Variants in SFMBT2 observed in about 807,000 individuals in gnomAD.
SFMBT2 encodes the protein scm-like with four MBT domains protein 2.
A neutral mutation model predicts 110.1 loss-of-function variants in SFMBT2; 38 were observed. That is an observed-to-expected ratio of 0.35 (90% CI 0.27 to 0.45). The LOEUF (loss-of-function observed/expected upper bound fraction) is 0.45, where lower values mean the gene tolerates loss of function less well. SFMBT2 is among the 20% of genes least tolerant of loss of function. The probability of loss-of-function intolerance (pLI) is 1.00; values close to 1 mark genes in which losing one functional copy is unlikely to be tolerated. For synonymous variants in SFMBT2, 425 were observed against 425.4 expected (o/e 1.00, Z 0.01); for missense variants, 1,011 against 1,094.9 (o/e 0.92, Z 1.08).
intron 12 of SFMBT2, 22 bp from the exon 13 acceptor site, chr10:7,202,544 A>T: frequency 6.2e-7 from 1 of 1,614,196 alleles, no homozygotes; most frequent in Non-Finnish European, 8.5e-7. Flanking sequence ...GCAAAACGGA[A>T]AAAGAAAATC....
intron 4 of SFMBT2, chr10:7,348,390 T>G (rs1262155872): frequency 4.3e-6 from 6 of 1,406,270 alleles, no homozygotes; most frequent in Non-Finnish European, 5.6e-6. Context: ...CTATAATCCA[T>G]GATGGGCTTT....
rs1427779107 is a variant in SFMBT2, at chr10:7,171,904, C to G, written c.2406G>C (p.Glu802Asp). Residue 802 changes from glutamate to aspartate, a missense_variant, in exon 19 of 21, where the codon GAG (glutamate) becomes GAC (aspartate). Transcript: ENST00000397167. This position sits in a 1 kb window ranked among gnomAD's most constrained non-coding sequence, Gnocchi z 4.9. ...EGEKCPPTKP[E>D]GTEDTKQEEE... Reference sequence around the variant, plus strand: ...CACGCCCGGGCATCACCTCTGTCCCCTCGGGCTTGGTCGGCGGGCACTTCT... The same window carrying G: ...CACGCCCGGGCATCACCTCTGTCCCGTCGGGCTTGGTCGGCGGGCACTTCT... 1 of 1,436,074 alleles carries G rather than the reference C, an allele frequency of 7.0e-7. No individual in the cohort carries two copies. The highest frequency in any genetic ancestry group is 2.6e-5 in the East Asian group (1 of 38,742). 89.0% of individuals were successfully genotyped at this position (1,436,074 alleles called of 1,614,324 possible).
intron 4 of SFMBT2, among the ~76,000 whole-genome samples, chr10:7,363,917 C>T (rs1325265241): frequency 1.3e-5 from 2 of 152,066 alleles, no homozygotes; most frequent in Non-Finnish European, 1.5e-5. Context: ...CACCCTGGAT[C>T]GCTGTAACTC....
At chr10:7,244,703 T>G (rs1229328982) in intron 8 of SFMBT2, among the ~76,000 whole-genome samples, 1 of 152,194 alleles carries the variant, frequency 6.6e-6, no homozygotes, top group Non-Finnish European at 1.5e-5. Context: ...CATAACCCAG[T>G]CTTTCTTAGG....
intron 6 of SFMBT2, among the ~76,000 whole-genome samples, chr10:7,283,494 G>C: frequency 6.6e-6 from 1 of 152,198 alleles, no homozygotes; most frequent in Non-Finnish European, 1.5e-5. Flanking sequence ...GGATAGATGG[G>C]TGGATGAGTA....
chr10:7,210,845 A>C (rs1486260436), intron 11 of SFMBT2, among the ~76,000 whole-genome samples: 1 of 152,060 alleles, frequency 6.6e-6, no homozygotes, highest in Non-Finnish European at 1.5e-5. Context: ...CGGTGGGCGA[A>C]ACTGGTGGCC....
Position 7,367,512 on chromosome 10 carries a change from C to A in SFMBT2, c.436+137G>T. 1 of 1,389,844 alleles carries A rather than the reference C, an allele frequency of 7.2e-7. No homozygotes were observed. Among genetic ancestry groups the A allele is most frequent in the Non-Finnish European group, 9.5e-7 (1 of 1,052,352 alleles). 86.1% of individuals were successfully genotyped at this position (1,389,844 alleles called of 1,614,324 possible). A position where few individuals can be genotyped will look rare whatever the true frequency, so the allele number is the denominator to read the frequency against. ...CTCCAGCTAAGGAAACCTGAGAAAC[C>A]ACTCTGAAAGAACTGTGAGACCTTT... On this transcript the variant is annotated intron_variant, in intron 4 of 20. Coordinates refer to ENST00000397167, the MANE Select transcript of SFMBT2 (RefSeq NM_001387889.1). The surrounding 1 kb of genome is among the most constrained non-coding windows in gnomAD (Gnocchi z 6.2).
chr10:7,183,917 G>A (rs138113520), intron 16 of SFMBT2, among the ~76,000 whole-genome samples: 1 of 152,268 alleles, frequency 6.6e-6, no homozygotes, highest in Non-Finnish European at 1.5e-5. Flanking sequence ...CACTCCCTCG[G>A]TATGAGGGTT....
At chr10:7,197,043 A>G (rs1838794343) in intron 15 of SFMBT2, among the ~76,000 whole-genome samples, 1 of 152,118 alleles carries the variant, frequency 6.6e-6, no homozygotes, top group Admixed American at 6.5e-5. Context: ...GACCATTGAA[A>G]TACTTACCAT....
chr10:7,332,500 T>C (rs2131962623), intron 4 of SFMBT2, among the ~76,000 whole-genome samples: 1 of 152,352 alleles, frequency 6.6e-6, no homozygotes, highest in East Asian at 1.9e-4. Context: ...GTTAACTTTT[T>C]AAATTAAACA....
intron 4 of SFMBT2, among the ~76,000 whole-genome samples, chr10:7,314,080 C>T (rs775178296): frequency 9.9e-5 from 15 of 152,064 alleles, no homozygotes; most frequent in Non-Finnish European, 1.6e-4. Flanking sequence ...AGCATGAACC[C>T]CTATTGAAAT....
At chr10:7,233,496 G>A (rs957844775) in intron 9 of SFMBT2, among the ~76,000 whole-genome samples, 5 of 152,204 alleles carry the variant, frequency 3.3e-5, no homozygotes, top group Non-Finnish European at 5.9e-5. Context: ...AATGTTAGAA[G>A]AGCATGTGTA....
chr10:7,206,900 C>T, intron 11 of SFMBT2: 1 of 985,410 alleles, frequency 1.0e-6, no homozygotes, highest in Non-Finnish European at 1.2e-6. Flanking sequence ...TAGTCCAGCC[C>T]TGCTTGGTTT....
chr10:7,216,184 C>T (rs546831952), intron 11 of SFMBT2, among the ~76,000 whole-genome samples: 5 of 152,332 alleles, frequency 3.3e-5, no homozygotes, highest in African/African-American at 1.2e-4. Flanking sequence ...GCAGCCGACC[C>T]CGCTCCCATC....
intron 9 of SFMBT2, among the ~76,000 whole-genome samples, chr10:7,228,732 TTTCCTTTCTCTCTCTCTCTCTCTC>T (rs1840004816): frequency 1.6e-5 from 1 of 60,682 alleles, no homozygotes; most frequent in Non-Finnish European, 3.2e-5. Flanking sequence ...TCTTTCTTTC[TTTCCTTTCTCTCTCTCTCTCTCTC>T]TCTCTCTCTC....
rs71382101 is a variant in SFMBT2 at position 7,342,396 on chromosome 10, CTTTTTTTTTTTTTTTT to C, written c.436+25237_436+25252del. The stretch of plus-strand genomic sequence containing the variant: ...ATTTAGGAATTGCACTGGAGTGAGT[CTTTTTTTTTTTTTTTT>C]TTTTTTTTTTTTTTGAGACAGAGTC... On this transcript the variant is annotated intron_variant, in intron 4 of 20. Transcript: ENST00000397167. Among the ~76,000 whole-genome samples the C allele has an allele frequency of 1.7e-3, 116 of 69,664 alleles. 1 individual carries two copies. Among genetic ancestry groups the C allele is most frequent in the South Asian group, 4.1e-3 (8 of 1,964 alleles). 45.7% of individuals were successfully genotyped at this position (69,664 alleles called of 152,430 possible).
At chr10:7,342,676 C>T (rs1051234211) in intron 4 of SFMBT2, among the ~76,000 whole-genome samples, 40 of 152,090 alleles carry the variant, frequency 2.6e-4, no homozygotes, top group African/African-American at 3.6e-4. Flanking sequence ...GGATTACAGG[C>T]GTGAGCCACC....
At chr10:7,168,448 C>A (rs562571279) in intron 20 of SFMBT2, among the ~76,000 whole-genome samples, 2 of 152,192 alleles carry the variant, frequency 1.3e-5, no homozygotes, top group East Asian at 3.9e-4. Context: ...TAGAGTAATA[C>A]AGAATGCCAC....
In SFMBT2 at chr10:7,170,943, C is replaced by T; in HGVS notation, c.2529G>A (p.Lys843=). The T allele has an allele frequency of 6.2e-7, 1 of 1,614,208 alleles. No homozygotes were observed. The highest frequency in any genetic ancestry group is 2.2e-5 in the East Asian group (1 of 44,880). The change falls in exon 20 of 21, where the codon AAG becomes AAA. Residue 843 remains lysine, a synonymous_variant. Transcript: ENST00000397167. The surrounding 1 kb of genome is among the most constrained non-coding windows in gnomAD (Gnocchi z 4.6). The stretch of plus-strand genomic sequence containing the variant: ...ACCACCGTACCTGCTCCTGAAATAT[C>T]TTGGCCAAGGGGGCACAGTCTGTCA... ...IKLTDCAPLA[K]IFQEQDIDGQ...
Sources: gnomAD v4.1 joint callset for allele counts (sites outside exome capture counted in the v4.1 genomes callset) on GRCh38, gnomAD v4.1.1 for gene constraint, Gnocchi (gnomAD v3.1) non-coding constraint, MANE v1.5 for transcripts, NCBI Gene and HGNC (gene_info 2026-07-23, HGNC 2026-07-21) for gene names.